TRAF2: variants seen among roughly 807,000 people sequenced by gnomAD.
TRAF2 encodes the protein TNF receptor associated factor 2, also known as TNF receptor-associated factor 2.
TRAF2 carries 6 observed loss-of-function variants against 55.6 expected under a neutral mutation model. The observed-to-expected ratio is 0.11, with a 90% CI of 0.06 to 0.21. The LOEUF (loss-of-function observed/expected upper bound fraction) is 0.21, where lower values mean the gene tolerates loss of function less well. Ranked by LOEUF, TRAF2 falls within the 10% of genes least tolerant of loss-of-function variation. TRAF2 has a pLI of 1.00. For synonymous variants in TRAF2, 329 were observed against 276.3 expected (o/e 1.19, Z -1.89); for missense variants, 561 against 684.5 (o/e 0.82, Z 2.01).
chr9:136,907,481 G>T (rs1051929272), intron 4 of TRAF2, among the ~76,000 whole-genome samples: 5 of 152,210 alleles, frequency 3.3e-5, no homozygotes, highest in African/African-American at 4.8e-5. Flanking sequence ...CGTGTGCTGT[G>T]CAGCTAGACC....
At chr9:136,902,508 C>T (rs1849844613) in intron 4 of TRAF2, 1 of 152,298 alleles carries the variant, frequency 6.6e-6, no homozygotes, top group South Asian at 2.1e-4. Flanking sequence ...CGGCTGAGGG[C>T]CAAGGACTAT....
intron 1 of TRAF2, among the ~76,000 whole-genome samples, chr9:136,893,438 C>T (rs1235109556): frequency 1.3e-5 from 2 of 152,150 alleles, no homozygotes; most frequent in Non-Finnish European, 2.9e-5. Flanking sequence ...AAGAGTCAGC[C>T]CTATTCAGGT....
At chr9:136,914,032 G>A (rs1850183397) in intron 6 of TRAF2, among the ~76,000 whole-genome samples, 2 of 152,192 alleles carry the variant, frequency 1.3e-5, no homozygotes, top group Admixed American at 6.5e-5. Context: ...TGGCAGTGAC[G>A]GACACCTCGT....
chr9:136,881,973 T>C (rs752417250), upstream of TRAF2: 14 of 985,152 alleles, frequency 1.4e-5, no homozygotes, highest in Non-Finnish European at 1.7e-5. Flanking sequence ...AGGGCTGACA[T>C]GCAAACGTCT....
At chr9:136,902,955 G>T (rs1849855836) in intron 4 of TRAF2, among the ~76,000 whole-genome samples, 1 of 148,280 alleles carries the variant, frequency 6.7e-6, no homozygotes, top group African/African-American at 2.5e-5. Context: ...TCTAGGAACT[G>T]AATGATTTTA....
intron 4 of TRAF2, among the ~76,000 whole-genome samples, chr9:136,903,931 C>G (rs1023785725): frequency 6.6e-6 from 1 of 152,222 alleles, no homozygotes; most frequent in Admixed American, 6.5e-5. Context: ...ATCCGCCTGC[C>G]TCGGCCTCCC....
intron 4 of TRAF2, among the ~76,000 whole-genome samples, chr9:136,904,770 T>G (rs985437191): frequency 4.9e-5 from 1 of 20,530 alleles, no homozygotes; most frequent in Admixed American, 2.8e-4. Flanking sequence ...TTTTTAGGTT[T>G]CATAAGCCAG....
rs773654171 is a variant in TRAF2, at chr9:136,925,970, C to A, written c.*69C>A. The A allele has an allele frequency of 4.8e-5, 75 of 1,564,566 alleles. No individual in the cohort carries two copies. The East Asian group carries it at 1.7e-3, about 35-fold the overall frequency. On this transcript the variant is annotated 3_prime_UTR_variant, in exon 11 of 11. Coordinates refer to ENST00000247668, the MANE Select transcript of TRAF2 (RefSeq NM_021138.4). ...GCCGGCTCACGGAGGGGCCACCACGCTGGGCCAGGGTCTCACTGTACAAGT... is the reference window on the plus strand; with the variant it reads ...GCCGGCTCACGGAGGGGCCACCACGATGGGCCAGGGTCTCACTGTACAAGT...
intron 10 of TRAF2, among the ~76,000 whole-genome samples, chr9:136,924,969 C>T (rs896149276): frequency 2.0e-5 from 3 of 152,306 alleles, no homozygotes; most frequent in Admixed American, 1.3e-4. Flanking sequence ...GATCTCCTGA[C>T]CTTGTGATCC....
In TRAF2 at chr9:136,923,093, C is replaced by T. The variant is rs17244243; in HGVS notation, c.1139-759C>T. ...TCTGCCGGGTTCTGGCTGTCACTCA[C>T]GTCTGTGTCTTGTTGGGTGGGAAGG... On this transcript the variant is annotated intron_variant, in intron 9 of 10. Coordinates refer to ENST00000247668, the MANE Select transcript of TRAF2 (RefSeq NM_021138.4). 3.9e-4 allele frequency among the ~76,000 whole-genome samples: 59 copies of T among 152,274 alleles called. No homozygotes were observed. The South Asian group carries it at 4.8e-3, about 12-fold the overall frequency.
intron 1 of TRAF2, among the ~76,000 whole-genome samples, chr9:136,894,047 C>CTT (rs11415604): frequency 0.014 from 1,677 of 116,780 alleles, 53 homozygotes; most frequent in African/African-American, 0.032. Context: ...TGCGCCTGGC[C>CTT]TTTTTTTTTT....
Position 136,904,096 on chromosome 9 carries a change from G to A in TRAF2, c.366+3576G>A, listed in dbSNP as rs145299282. 4.5e-3 allele frequency among the ~76,000 whole-genome samples: 688 copies of A among 152,186 alleles called. 6 individuals are homozygous for A. Among genetic ancestry groups the A allele is most frequent in the African/African-American group, 0.016 (655 of 41,518 alleles). On this transcript the variant is annotated intron_variant, in intron 4 of 10. Transcript: ENST00000247668. Reference sequence around the variant, plus strand: ...ACATGCTGCCCCGCAGCACCTGCCAGCCTTCGCCAGCCTACTTTCAGCCCT... The same window carrying A: ...ACATGCTGCCCCGCAGCACCTGCCAACCTTCGCCAGCCTACTTTCAGCCCT...
chr9:136,918,273 A>AATTT (rs1564419595), intron 7 of TRAF2, among the ~76,000 whole-genome samples: 1 of 94,800 alleles, frequency 1.1e-5, no homozygotes, highest in African/African-American at 4.2e-5. Context: ...TTAATTAATT[A>AATTT]ATTTATTTAT....
In TRAF2 at chr9:136,920,441, G is replaced by A; in HGVS notation, c.886G>A (p.Val296Met). The A allele has an allele frequency of 2.5e-6, 4 of 1,614,034 alleles. No homozygotes were observed. The highest frequency in any genetic ancestry group is 2.5e-6 in the Non-Finnish European group (3 of 1,180,028). Residue 296 changes from valine (V) to methionine (M), a missense_variant, in exon 8 of 11, where the codon GTG becomes ATG. Around this residue, in one of 2 missense-constraint regions of TRAF2, gnomAD observed 426 missense variants for 476.8 expected, o/e 0.89. Coordinates refer to ENST00000247668, the MANE Select transcript of TRAF2 (RefSeq NM_021138.4). ...CGTCCTGAACCGGGAGGTGGAGAGG[G>A]TGGCCATGACTGCCGAGGCCTGCAG... The part of the protein sequence containing the change: ...VCVLNREVER[V>M]AMTAEACSRQ...
intron 9 of TRAF2, 119 bp downstream of exon 9, chr9:136,921,334 G>A (rs2131331477): frequency 1.6e-6 from 2 of 1,282,244 alleles, no homozygotes; most frequent in South Asian, 2.7e-5. Flanking sequence ...GACCCCCAGT[G>A]ATACCGGGAG....
chr9:136,921,418 C>T (rs980058545), intron 9 of TRAF2, among the ~76,000 whole-genome samples: 7 of 151,990 alleles, frequency 4.6e-5, no homozygotes, highest in Admixed American at 1.3e-4. Context: ...GGGCAGGGGT[C>T]GGGGTAGGGG....
chr9:136,925,731 G>C lies in TRAF2; in HGVS notation c.1336G>C (p.Ala446Pro). ...GAATAACCGGGAGCACGTGATTGAC[G>C]CCTTCAGGCCCGACGTGACTTCATC... The part of the protein sequence containing the change: ...DQNNREHVID[A>P]FRPDVTSSSF... The change falls in exon 11 of 11, where the codon GCC (alanine) becomes CCC (proline). Residue 446 changes from alanine to proline, a missense_variant. Ala to Pro is a conservative substitution (Grantham distance 27). Around this residue, in one of 2 missense-constraint regions of TRAF2, gnomAD observed 135 missense variants for 207.7 expected, o/e 0.65. Coordinates refer to ENST00000247668, the MANE Select transcript of TRAF2 (RefSeq NM_021138.4). The C allele has an allele frequency of 6.2e-7, 1 of 1,614,174 alleles. No individual in the cohort carries two copies. Among genetic ancestry groups the C allele is most frequent in the Non-Finnish European group, 8.5e-7 (1 of 1,180,046 alleles).
intron 7 of TRAF2, among the ~76,000 whole-genome samples, chr9:136,918,246 TA>T (rs1564419416): frequency 8.6e-5 from 4 of 46,416 alleles, no homozygotes; most frequent in African/African-American, 4.7e-4. Context: ...TATATATATA[TA>T]TATATATATA....
At chr9:136,921,264 C>T (rs760396090) in intron 9 of TRAF2, 49 bp downstream of exon 9, 10 of 1,606,170 alleles carry the variant, frequency 6.2e-6, no homozygotes, top group African/African-American at 2.7e-5. Flanking sequence ...TTACTTGGCA[C>T]CTGGGTCCCC....
Sources: gnomAD v4.1 joint callset for allele counts (sites outside exome capture counted in the v4.1 genomes callset) on GRCh38, gnomAD v4.1.1 for gene constraint, gnomAD v4.1.1 regional missense constraint, MANE v1.5 for transcripts, NCBI Gene and HGNC (gene_info 2026-07-23, HGNC 2026-07-21) for gene names.